PKHD1L1: variants seen among roughly 807,000 people sequenced by gnomAD.
PKHD1L1 encodes the protein fibrocystin-L.
Under a neutral mutation model 462.9 loss-of-function variants are expected in PKHD1L1, and 434 were observed. The observed-to-expected ratio is 0.94, with a 90% CI of 0.87 to 1.02. The LOEUF (loss-of-function observed/expected upper bound fraction) is 1.02, where lower values mean the gene tolerates loss of function less well. Ranked by LOEUF, PKHD1L1 falls within the 50% of genes least tolerant of loss-of-function variation. PKHD1L1 has a pLI of 0.00. For missense variants in PKHD1L1, 5,202 were observed against 5,096.1 expected (o/e 1.02, Z -0.63); for synonymous variants, 1,781 against 1,750.0 (o/e 1.02, Z -0.44).
intron 24 of PKHD1L1, among the ~76,000 whole-genome samples, chr8:109,425,690 T>C: frequency 6.6e-6 from 1 of 152,086 alleles, no homozygotes; most frequent in East Asian, 1.9e-4. Flanking sequence ...GTGGTAGCCA[T>C]AAACAATAAC....
At chr8:109,476,174 A>G (rs1043315572) in intron 51 of PKHD1L1, among the ~76,000 whole-genome samples, 34 of 152,006 alleles carry the variant, frequency 2.2e-4, no homozygotes, top group African/African-American at 8.0e-4. Flanking sequence ...ATATATGCAT[A>G]TATACACACA....
At chr8:109,454,325 A>T (rs775337667) in intron 44 of PKHD1L1, 79 bp downstream of exon 44, 116 of 930,250 alleles carry the variant, frequency 1.2e-4, no homozygotes, top group Non-Finnish European at 1.7e-4. Context: ...TAAAATGGAT[A>T]GTTAATTATA....
intron 11 of PKHD1L1, 127 bp downstream of exon 11, chr8:109,396,264 A>G (rs1191287743): frequency 4.2e-6 from 3 of 707,954 alleles, no homozygotes; most frequent in Non-Finnish European, 4.6e-6. Flanking sequence ...GTATTTTCAC[A>G]TAGTCATTTG....
intron 2 of PKHD1L1, among the ~76,000 whole-genome samples, chr8:109,377,692 A>G (rs1055503410): frequency 1.3e-5 from 2 of 152,188 alleles, no homozygotes; most frequent in Non-Finnish European, 2.9e-5. Flanking sequence ...AAATATATAA[A>G]ATTCCATAGA....
At chr8:109,424,405 T>C (rs73700886) in intron 23 of PKHD1L1, among the ~76,000 whole-genome samples, 1,831 of 152,334 alleles carry the variant, frequency 0.012, 37 homozygotes, top group African/African-American at 0.041. Flanking sequence ...GCTAGGAACA[T>C]TCTTGCTTAT....
At position 109,504,482 on chromosome 8, in the gene PKHD1L1, C is replaced by G; in HGVS notation, c.10984C>G (p.Pro3662Ala). Residue 3662 changes from proline to alanine, a missense_variant, in exon 68 of 78, where the codon CCT becomes GCT. Transcript: ENST00000378402. ...TEQSKIFIHR[P>A]DISKVNPSDC... ...ACAATCAAAAATATTTATACATAGG[C>G]CTGATATAAGGTAAAATACATAAAA... The G allele has an allele frequency of 6.7e-7, 1 of 1,500,306 alleles. No homozygotes were observed. Among genetic ancestry groups the G allele is most frequent in the South Asian group, 1.3e-5 (1 of 77,030 alleles). 92.9% of individuals were successfully genotyped at this position (1,500,306 alleles called of 1,614,324 possible). A position where few individuals can be genotyped will look rare whatever the true frequency, so the allele number is the denominator to read the frequency against.
chr8:109,481,630 A>G (rs1818281797), intron 56 of PKHD1L1, 68 bp downstream of exon 56: 1 of 1,361,200 alleles, frequency 7.3e-7, no homozygotes, highest in South Asian at 1.8e-5. Flanking sequence ...ATATGGCACT[A>G]AAGTACATAT....
At chr8:109,425,744 A>G (rs1814711725) in intron 24 of PKHD1L1, among the ~76,000 whole-genome samples, 3 of 152,114 alleles carry the variant, frequency 2.0e-5, no homozygotes, top group Non-Finnish European at 2.9e-5. Context: ...ATATGATTTT[A>G]AAAGTCATCT....
chr8:109,388,764 T>A (rs1812561102), intron 7 of PKHD1L1, among the ~76,000 whole-genome samples: 1 of 152,144 alleles, frequency 6.6e-6, no homozygotes. Flanking sequence ...CTATTTAGAT[T>A]TTTATGAAAA....
chr8:109,492,800 T>C (rs565136520), intron 62 of PKHD1L1, among the ~76,000 whole-genome samples: 2 of 151,904 alleles, frequency 1.3e-5, no homozygotes, highest in Non-Finnish European at 2.9e-5. Flanking sequence ...TTTGATATGA[T>C]CACAACTTTT....
rs888298965 is a variant in PKHD1L1, at chr8:109,536,109, A to T, written c.*6019A>T. On this transcript the variant is annotated 3_prime_UTR_variant, in exon 78 of 78. Transcript: ENST00000378402. ...TCTGGTTGCTGATGACATAAAATTC[A>T]CCTCTATTTCTTGGAAGCACTATTC... Among the ~76,000 whole-genome samples the T allele has an allele frequency of 7.2e-5, 11 of 152,034 alleles. No homozygotes were observed. Among genetic ancestry groups the T allele is most frequent in the African/African-American group, 2.7e-4 (11 of 41,366 alleles).
rs750437515 is a variant in PKHD1L1, at chr8:109,515,289, T to C, written c.11673T>C (p.Asn3891=). 2.5e-6 allele frequency: 4 copies of C among 1,595,846 alleles called. No individual in the cohort carries two copies. In the Admixed American group the frequency reaches 6.9e-5, roughly 28 times the overall value. ...WNAQQKHCEL[N]NHLYKDQFLP... The stretch of plus-strand genomic sequence containing the variant: ...CCCAGCAGAAACACTGTGAACTTAA[T>C]AACCATCTGTACAAAGGTATTGTCT... The change falls in exon 72 of 78, where the codon AAT becomes AAC. Residue 3891 remains asparagine, a synonymous_variant. Transcript: ENST00000378402.
At chr8:109,469,193 G>A (rs73704020) in intron 50 of PKHD1L1, among the ~76,000 whole-genome samples, 2,254 of 152,110 alleles carry the variant, frequency 0.015, 28 homozygotes, top group Middle Eastern at 0.054. Context: ...CAATCCCATG[G>A]CACCATCCCC....
Position 109,425,120 on chromosome 8 carries a change from C to T in PKHD1L1, c.2733C>T (p.Tyr911=), listed in dbSNP as rs781585211. 1.3e-6 allele frequency: 2 copies of T among 1,599,066 alleles called. No homozygotes were observed. The highest frequency in any genetic ancestry group is 1.7e-5 in the Admixed American group (1 of 57,504). The change falls in exon 24 of 78, where the codon TAC becomes TAT. Residue 911 remains tyrosine, a synonymous_variant. Transcript: ENST00000378402. Reference sequence around the variant, plus strand: ...ATGAGACAGAGAACGAGTTTGTCTACAGAGGAAATAATTGGCCAGGCGAGT... The same window carrying T: ...ATGAGACAGAGAACGAGTTTGTCTATAGAGGAAATAATTGGCCAGGCGAGT... ...ITHETENEFV[Y]RGNNWPGESK... is the part of the protein sequence containing the mutation.
chr8:109,431,019 G>A (rs1269613709), intron 27 of PKHD1L1, among the ~76,000 whole-genome samples: 1 of 149,032 alleles, frequency 6.7e-6, no homozygotes, highest in Non-Finnish European at 1.5e-5. Context: ...CCAGGCTGGA[G>A]TGCAGTAGTG....
chr8:109,477,392 T>C lies in PKHD1L1; in HGVS notation c.9085T>C (p.Tyr3029His), dbSNP rs757469873. The change falls in exon 53 of 78, where the codon TAT (tyrosine) becomes CAT (histidine). Residue 3029 changes from tyrosine to histidine, a missense_variant. By Grantham distance (83) the Tyr-to-His change is moderately conservative. Coordinates refer to ENST00000378402, the MANE Select transcript of PKHD1L1 (RefSeq NM_177531.6). ...AATTCCCAAGAAGCGACCAGCCACA[T>C]ATAAGTACATAGGCCTTTTGTAGTT... ...KPIPKKRPAT[Y>H]NLWSNDSFWQ... The C allele has an allele frequency of 6.2e-7, 1 of 1,611,252 alleles. No homozygotes were observed. The highest frequency in any genetic ancestry group is 8.5e-7 in the Non-Finnish European group (1 of 1,177,966).
chr8:109,433,505 C>T (rs969910029), intron 28 of PKHD1L1, among the ~76,000 whole-genome samples: 6 of 152,062 alleles, frequency 3.9e-5, no homozygotes, highest in Non-Finnish European at 2.9e-5. Context: ...TTTCTTGCAT[C>T]GGTGTGTCTC....
intron 12 of PKHD1L1, among the ~76,000 whole-genome samples, chr8:109,399,826 C>T (rs756395939): frequency 2.0e-5 from 3 of 152,034 alleles, no homozygotes; most frequent in Non-Finnish European, 2.9e-5. Context: ...AGCACCCATG[C>T]AAATATTATT....
intron 4 of PKHD1L1, 141 bp from the exon 5 acceptor site, chr8:109,383,929 T>C (rs573728109): frequency 8.8e-6 from 6 of 682,176 alleles, no homozygotes; most frequent in South Asian, 6.7e-5. Context: ...CTTAGGTTCA[T>C]CTTATTTAAA....
Sources: gnomAD v4.1 joint callset for allele counts (sites outside exome capture counted in the v4.1 genomes callset) on GRCh38, gnomAD v4.1.1 for gene constraint, MANE v1.5 for transcripts, NCBI Gene and HGNC (gene_info 2026-07-23, HGNC 2026-07-21) for gene names.